Variants in LTBP1 observed in about 807,000 individuals in gnomAD.
The protein encoded by LTBP1 is latent transforming growth factor beta binding protein 1.
In LTBP1, 129 loss-of-function variants were observed where a neutral mutation model predicts 207.6. The observed-to-expected ratio is 0.62, with a 90% CI of 0.54 to 0.72. LTBP1 has a LOEUF of 0.72. Among genes scored for constraint, LTBP1 ranks in the 30% least tolerant of loss-of-function variants. LTBP1 has a pLI of 0.00. For synonymous variants in LTBP1, 963 were observed against 833.7 expected (o/e 1.16, Z -2.67); for missense variants, 2,281 against 2,217.2 (o/e 1.03, Z -0.58).
At chr2:33,302,493 A>C (rs2094004338) in intron 22 of LTBP1, among the ~76,000 whole-genome samples, 1 of 152,052 alleles carries the variant, frequency 6.6e-6, no homozygotes, top group Non-Finnish European at 1.5e-5. Context: ...CTTTTTCACT[A>C]CCAGTCCAGT....
At chr2:33,037,611 CTT>C (rs2075987275) in intron 3 of LTBP1, among the ~76,000 whole-genome samples, 1 of 152,088 alleles carries the variant, frequency 6.6e-6, no homozygotes, top group Non-Finnish European at 1.5e-5. Context: ...TGATTTGGCA[CTT>C]TTATTTTTCC....
intron 2 of LTBP1, among the ~76,000 whole-genome samples, chr2:33,014,257 T>C (rs746283992): frequency 1.3e-4 from 20 of 152,322 alleles, no homozygotes; most frequent in Admixed American, 4.6e-4. Flanking sequence ...TGGGATGTTA[T>C]GCTAATTTTT....
intron 3 of LTBP1, among the ~76,000 whole-genome samples, chr2:33,064,369 C>T (rs769730122): frequency 2.0e-5 from 3 of 152,132 alleles, no homozygotes; most frequent in Non-Finnish European, 2.9e-5. Flanking sequence ...AAAAGTTAGC[C>T]TCCCACAGTT....
chr2:33,098,748 T>G (rs939251804), intron 3 of LTBP1, among the ~76,000 whole-genome samples: 2 of 152,130 alleles, frequency 1.3e-5, no homozygotes, highest in African/African-American at 4.8e-5. Context: ...CCACAAATGA[T>G]TTTTACTTTA....
chr2:32,976,840 T>G (rs1681864685), intron 2 of LTBP1, among the ~76,000 whole-genome samples: 2 of 152,312 alleles, frequency 1.3e-5, no homozygotes, highest in Non-Finnish European at 2.9e-5. Flanking sequence ...TCCTCCCTGC[T>G]TGGGTACAGC....
chr2:32,953,994 T>C (rs7607809), intron 2 of LTBP1, among the ~76,000 whole-genome samples: 16,664 of 152,152 alleles, frequency 0.11, 1,106 homozygotes, highest in Middle Eastern at 0.16. Context: ...GTAACTTGTG[T>C]GGTGCTGTGG....
chr2:33,090,702 G>T (rs1278948198), intron 3 of LTBP1, among the ~76,000 whole-genome samples: 1 of 152,198 alleles, frequency 6.6e-6, no homozygotes, highest in African/African-American at 2.4e-5. Flanking sequence ...TGTCTTCAAA[G>T]GAGGGGTTGA....
intron 26 of LTBP1, among the ~76,000 whole-genome samples, chr2:33,357,827 C>G (rs1286933059): frequency 2.4e-4 from 36 of 152,114 alleles, no homozygotes; most frequent in Admixed American, 2.4e-3. Context: ...CTCAAAATAT[C>G]TTTAAGAAAA....
intron 3 of LTBP1, among the ~76,000 whole-genome samples, chr2:33,085,903 A>T (rs1297957871): frequency 6.6e-6 from 1 of 152,202 alleles, no homozygotes; most frequent in Non-Finnish European, 1.5e-5. Context: ...TACAGGAAGA[A>T]GTCTGGTCTG....
chr2:33,243,208 A>G (rs1336673199), intron 9 of LTBP1, among the ~76,000 whole-genome samples: 2 of 152,178 alleles, frequency 1.3e-5, no homozygotes, highest in Admixed American at 1.3e-4. Flanking sequence ...TGTATAGGCA[A>G]TTTCATAATT....
At chr2:33,028,353 G>A (rs2075531714) in intron 3 of LTBP1, among the ~76,000 whole-genome samples, 1 of 152,160 alleles carries the variant, frequency 6.6e-6, no homozygotes, top group African/African-American at 2.4e-5. Context: ...CTTTTTGAGT[G>A]TTGTCTCATT....
chr2:33,361,240 AAG>A (rs2094924096), intron 27 of LTBP1, among the ~76,000 whole-genome samples, 187 bp from the exon 28 acceptor site: 1 of 152,236 alleles, frequency 6.6e-6, no homozygotes, highest in African/African-American at 2.4e-5. Context: ...TTAAATTAAA[AAG>A]TGTAAGAAAA....
chr2:33,275,897 G>T lies in LTBP1; in HGVS notation c.2966G>T (p.Arg989Leu), dbSNP rs142262862. Residue 989 changes from arginine (R) to leucine (L), a missense_variant, in exon 18 of 34, where the codon CGC becomes CTC. Transcript: ENST00000404816. Reference protein sequence around the residue: ...FRCEYCDSGYRMTQRGRCEDI... With the variant: ...FRCEYCDSGYLMTQRGRCEDI... ...TGTGAATACTGTGACAGCGGGTACC[G>T]CATGACTCAGAGAGGCCGTTGTGAG... The T allele has an allele frequency of 2.5e-6, 4 of 1,602,158 alleles. No individual in the cohort carries two copies. The highest frequency in any genetic ancestry group is 2.3e-5 in the South Asian group (2 of 88,672).
chr2:33,066,512 C>T (rs1373540119), intron 3 of LTBP1, among the ~76,000 whole-genome samples: 1 of 152,070 alleles, frequency 6.6e-6, no homozygotes, highest in East Asian at 1.9e-4. Flanking sequence ...AAAGTAGACT[C>T]TGAATGTCAT....
intron 24 of LTBP1, among the ~76,000 whole-genome samples, chr2:33,339,306 C>T (rs1044494624): frequency 1.3e-5 from 2 of 152,082 alleles, no homozygotes; most frequent in African/African-American, 4.8e-5. Flanking sequence ...TTCTAAAGGA[C>T]AGAGGTAAAT....
intron 24 of LTBP1, among the ~76,000 whole-genome samples, chr2:33,316,565 G>A (rs1457943819): frequency 6.6e-6 from 1 of 152,156 alleles, no homozygotes; most frequent in East Asian, 1.9e-4. Context: ...GAGAGTTCAG[G>A]GTGGATTGAG....
intron 7 of LTBP1, among the ~76,000 whole-genome samples, chr2:33,211,161 G>C (rs916129766): frequency 6.6e-6 from 1 of 152,172 alleles, no homozygotes; most frequent in African/African-American, 2.4e-5. Context: ...TAAATAGTAA[G>C]ATTAAGTAGT....
intron 4 of LTBP1, among the ~76,000 whole-genome samples, chr2:33,123,478 A>C (rs1238994716): frequency 6.6e-6 from 1 of 152,134 alleles, no homozygotes; most frequent in Non-Finnish European, 1.5e-5. Context: ...TGTCTTGAAC[A>C]TGGAAATCTA....
rs570648324 is a variant in LTBP1 at position 33,350,309 on chromosome 2, A to G, written c.4000+2799A>G. On this transcript the variant is annotated intron_variant, in intron 26 of 33. Transcript: ENST00000404816. ...CAGTAGCATGATAATCTGATGTGGTATCATACTGAAGGCAGAACTAGGGTT... is the reference window on the plus strand; with the variant it reads ...CAGTAGCATGATAATCTGATGTGGTGTCATACTGAAGGCAGAACTAGGGTT... 6.4e-4 allele frequency among the ~76,000 whole-genome samples: 97 copies of G among 152,350 alleles called. No individual in the cohort carries two copies. In the South Asian group the frequency reaches 6.6e-3, roughly 10 times the overall value.
Sources: allele counts gnomAD v4.1 joint callset (sites outside exome capture counted in the v4.1 genomes callset), GRCh38; gene constraint gnomAD v4.1.1; transcripts MANE v1.5; gene names NCBI Gene and HGNC (gene_info 2026-07-23, HGNC 2026-07-21).